ILDR1: variants seen among roughly 807,000 people sequenced by gnomAD.
The protein encoded by ILDR1 is immunoglobulin-like domain-containing receptor 1.
A neutral mutation model predicts 62.4 loss-of-function variants in ILDR1; 56 were observed. The observed-to-expected ratio is 0.90, with a 90% confidence interval of 0.72 to 1.12. ILDR1 has a LOEUF of 1.12. Ranked by LOEUF, ILDR1 falls within the 50% of genes most tolerant of loss-of-function variation. The pLI, the probability that ILDR1 is intolerant of heterozygous loss-of-function variation, is 0.00. For synonymous variants in ILDR1, 284 were observed against 277.8 expected, an observed-to-expected ratio of 1.02 and a Z score of -0.22; for missense variants, 736 against 710.6, an observed-to-expected ratio of 1.04 and a Z score of -0.41.
At chr3:121,992,728 T>A (rs1381042932) in intron 7 of ILDR1, among the ~76,000 whole-genome samples, 1 of 152,146 alleles carries the variant, frequency 6.6e-6, no homozygotes, top group Non-Finnish European at 1.5e-5. Flanking sequence ...GTGTTCTAAT[T>A]TGGGGTATGG....
At chr3:122,048,807 CT>C in the ILDR1 span, among the ~76,000 whole-genome samples, 4 of 151,248 alleles carry the variant, frequency 2.6e-5, no homozygotes, top group Non-Finnish European at 4.4e-5. Flanking sequence ...TGAGTCTTCT[CT>C]TTTTTTTTAT....
At chr3:122,012,580 C>T (rs539629792) in intron 1 of ILDR1, among the ~76,000 whole-genome samples, 1 of 152,282 alleles carries the variant, frequency 6.6e-6, no homozygotes, top group African/African-American at 2.4e-5. Flanking sequence ...CAGAAGTTGA[C>T]CTAGCAAGTT....
chr3:121,991,475 C>A (rs574763825), intron 7 of ILDR1, among the ~76,000 whole-genome samples: 1 of 152,218 alleles, frequency 6.6e-6, no homozygotes, highest in African/African-American at 2.4e-5. Context: ...TCTTTCAGGA[C>A]GTAATTTTCT....
chr3:122,002,618 A>AT (rs137896039), intron 3 of ILDR1, among the ~76,000 whole-genome samples: 74 of 150,200 alleles, frequency 4.9e-4, no homozygotes, highest in East Asian at 2.3e-3. Flanking sequence ...CTGTACATTC[A>AT]TTTTTTTTTT....
In ILDR1 at chr3:122,022,238, G is replaced by T. The variant is rs1380608854; in HGVS notation, c.-161C>A. The stretch of plus-strand genomic sequence containing the variant: ...GAGCGTCCGCTCTGGTCCCGGGGCA[G>T]GTGCCGCCCGGCTCGTCCCCACCTG... On this transcript the variant is annotated 5_prime_UTR_variant, in exon 1 of 8. The change creates a new upstream start codon in the 5' untranslated region. Coordinates refer to ENST00000344209, the MANE Select transcript of ILDR1 (RefSeq NM_001199799.2). 3 of 591,450 alleles carry T rather than the reference G, an allele frequency of 5.1e-6. No individual in the cohort carries two copies. Among genetic ancestry groups the T allele is most frequent in the East Asian group, 6.6e-5 (2 of 30,352 alleles). 36.6% of individuals were successfully genotyped at this position (591,450 alleles called of 1,614,324 possible).
the ILDR1 span, among the ~76,000 whole-genome samples, chr3:122,046,349 A>C: frequency 6.6e-6 from 1 of 151,390 alleles, no homozygotes; most frequent in Non-Finnish European, 1.5e-5. Context: ...GTTGCCCTTA[A>C]CATTTTTTCC....
chr3:122,001,825 T>C lies in ILDR1; in HGVS notation c.419A>G (p.His140Arg). ...LVINEVMWWD[H>R]GVYYCTIEAP... is the part of the protein sequence containing the mutation. Reference sequence around the variant, plus strand: ...CTCAATGGTGCAGTAATACACTCCATGGTCCCACCACATCACTTCATTTAT... The same window carrying C: ...CTCAATGGTGCAGTAATACACTCCACGGTCCCACCACATCACTTCATTTAT... Residue 140 changes from histidine to arginine, a missense_variant, in exon 4 of 8, where the codon CAT becomes CGT. Coordinates refer to ENST00000344209, the MANE Select transcript of ILDR1 (RefSeq NM_001199799.2). 6.2e-7 allele frequency: 1 copy of C among 1,613,658 alleles called. No individual in the cohort carries two copies. The highest frequency in any genetic ancestry group is 8.5e-7 in the Non-Finnish European group (1 of 1,179,966).
At chr3:122,035,200 C>T in the ILDR1 span, among the ~76,000 whole-genome samples, 1 of 152,200 alleles carries the variant, frequency 6.6e-6, no homozygotes, top group East Asian at 1.9e-4. Context: ...ACAAAAATTT[C>T]GTTCTTAGGG....
intron 7 of ILDR1, among the ~76,000 whole-genome samples, chr3:121,988,988 A>G (rs1359494708): frequency 3.9e-5 from 6 of 152,082 alleles, no homozygotes; most frequent in Non-Finnish European, 8.8e-5. Flanking sequence ...GTGAGGGTGA[A>G]GAACTGTGGT....
intron 5 of ILDR1, among the ~76,000 whole-genome samples, chr3:121,999,980 T>C (rs930655377): frequency 6.6e-6 from 1 of 152,158 alleles, no homozygotes; most frequent in East Asian, 1.9e-4. Context: ...ATATAATCAT[T>C]TGTTTCATTG....
At chr3:122,013,171 T>C (rs1048569378) in intron 1 of ILDR1, among the ~76,000 whole-genome samples, 2 of 152,344 alleles carry the variant, frequency 1.3e-5, no homozygotes, top group East Asian at 3.8e-4. Flanking sequence ...CCTAAATACA[T>C]GCACATCTTT....
At chr3:122,013,200 C>T (rs186882177) in intron 1 of ILDR1, among the ~76,000 whole-genome samples, 247 of 152,290 alleles carry the variant, frequency 1.6e-3, no homozygotes, top group African/African-American at 5.6e-3. Context: ...TTTTATTCCT[C>T]ATTTCCTGTG....
chr3:121,995,523 A>G (rs568199435), intron 5 of ILDR1, among the ~76,000 whole-genome samples: 9 of 152,326 alleles, frequency 5.9e-5, no homozygotes, highest in Admixed American at 5.2e-4. Flanking sequence ...AAGTGGTTGT[A>G]ACAGAGTCCC....
chr3:122,055,600 T>C, the ILDR1 span: 1 of 1,145,102 alleles, frequency 8.7e-7, no homozygotes. Flanking sequence ...TGTCCTTCAC[T>C]TAGTTCCTAA....
At chr3:122,022,773 C>G (rs767219081), upstream of ILDR1, among the ~76,000 whole-genome samples, 1 of 152,064 alleles carries the variant, frequency 6.6e-6, no homozygotes, top group South Asian at 2.1e-4. Context: ...AACAGCCGTG[C>G]GTGGTGGCAC....
chr3:122,003,621 G>A (rs776639153), intron 3 of ILDR1, among the ~76,000 whole-genome samples: 2 of 152,178 alleles, frequency 1.3e-5, no homozygotes, highest in African/African-American at 2.4e-5. Context: ...GCAAAAAAGT[G>A]TCAGAAAACA....
chr3:122,011,320 C>A (rs1019389094), intron 1 of ILDR1, among the ~76,000 whole-genome samples: 2 of 151,906 alleles, frequency 1.3e-5, no homozygotes, highest in Admixed American at 1.3e-4. Flanking sequence ...TGTGGGGTAG[C>A]TTTGAAGATT....
intron 1 of ILDR1, 82 bp downstream of exon 1, chr3:122,021,938 C>A: frequency 1.4e-6 from 2 of 1,392,048 alleles, no homozygotes; most frequent in South Asian, 1.2e-5. Flanking sequence ...CTGCCCTGCC[C>A]GCGGCCAGCT....
chr3:121,995,888 C>T (rs1486535762), intron 5 of ILDR1, among the ~76,000 whole-genome samples: 3 of 152,224 alleles, frequency 2.0e-5, no homozygotes, highest in African/African-American at 4.8e-5. Flanking sequence ...CTACAGCTAG[C>T]GACTGGCAGA....
Sources: gnomAD v4.1 joint callset for allele counts (sites outside exome capture counted in the v4.1 genomes callset) on GRCh38, gnomAD v4.1.1 for gene constraint, MANE v1.5 for transcripts, NCBI Gene and HGNC (gene_info 2026-07-23, HGNC 2026-07-21) for gene names.